Variants in FRYL observed in about 807,000 individuals in gnomAD.
FRYL encodes the protein protein furry homolog-like.
A neutral mutation model predicts 351.2 loss-of-function variants in FRYL; 150 were observed. The ratio of observed to expected loss-of-function variants is 0.43; its 90% confidence interval spans 0.37 to 0.49. The LOEUF (loss-of-function observed/expected upper bound fraction) is 0.49, where lower values mean the gene tolerates loss of function less well. Among genes scored for constraint, FRYL ranks in the 20% least tolerant of loss-of-function variants. The pLI is 0.00. For missense variants in FRYL, 3,036 were observed against 3,619.3 expected, an observed-to-expected ratio of 0.84 and a Z score of 4.13; for synonymous variants, 1,153 against 1,257.1, an observed-to-expected ratio of 0.92 and a Z score of 1.75.
chr4:48,777,134 T>G (rs765082636), intron 1 of FRYL, among the ~76,000 whole-genome samples: 1 of 152,222 alleles, frequency 6.6e-6, no homozygotes, highest in Non-Finnish European at 1.5e-5. Context: ...CTTTACATAA[T>G]ACCCTTTAAA....
At chr4:48,761,627 T>C (rs1774430068) in intron 1 of FRYL, among the ~76,000 whole-genome samples, 1 of 152,168 alleles carries the variant, frequency 6.6e-6, no homozygotes, top group South Asian at 2.1e-4. Context: ...ATGCCCTATG[T>C]CTACTGTACT....
chr4:48,582,428 G>T, intron 20 of FRYL, 69 bp downstream of exon 20: 3 of 935,568 alleles, frequency 3.2e-6, no homozygotes, highest in East Asian at 2.4e-5. Context: ...AAGTAAATCT[G>T]TATTAAAACC....
At chr4:48,674,098 A>G (rs1320752702) in intron 3 of FRYL, among the ~76,000 whole-genome samples, 1 of 152,212 alleles carries the variant, frequency 6.6e-6, no homozygotes, top group Non-Finnish European at 1.5e-5. Context: ...TGTTACATTA[A>G]CCCTTATCCT....
chr4:48,634,189 A>G (rs768817538), intron 4 of FRYL, 102 bp downstream of exon 4: 6 of 860,292 alleles, frequency 7.0e-6, no homozygotes, highest in Non-Finnish European at 1.1e-5. Flanking sequence ...CTATCCCTTA[A>G]TATTTTTTTC....
At chr4:48,727,724 G>C (rs747017928) in intron 1 of FRYL, among the ~76,000 whole-genome samples, 5 of 152,160 alleles carry the variant, frequency 3.3e-5, no homozygotes, top group Non-Finnish European at 5.9e-5. Flanking sequence ...TTGCCCTCAG[G>C]AGAAACTATT....
In FRYL at chr4:48,513,622, A is replaced by C. The variant is rs142784430; in HGVS notation, c.7938-934T>G. Among the ~76,000 whole-genome samples the C allele has an allele frequency of 6.1e-3, 934 of 152,350 alleles. 3 individuals carry two copies. Among genetic ancestry groups the C allele is most frequent in the Middle Eastern group, 0.014 (4 of 294 alleles). ...TAAGGCTTTACAGAAATTTTGGAGCAATGCATATGGTCTTCCATATGCACT... is the reference window on the plus strand; with the variant it reads ...TAAGGCTTTACAGAAATTTTGGAGCCATGCATATGGTCTTCCATATGCACT... On this transcript the variant is annotated intron_variant, in intron 56 of 63. Coordinates refer to ENST00000358350, the MANE Select transcript of FRYL (RefSeq NM_015030.2).
At position 48,565,478 on chromosome 4, in the gene FRYL, A is replaced by G. The variant is rs1736570092; in HGVS notation, c.3330+53T>C. 2.9e-6 allele frequency: 4 copies of G among 1,388,924 alleles called. No homozygotes were observed. The South Asian group carries it at 6.4e-5, about 22-fold the overall frequency. The allele number at this position is 1,388,924 out of a possible 1,614,324, so 86.0% of individuals were successfully genotyped here. ...TAATACTAGTGACTGAGAGACTTAA[A>G]AATACTTAACTCTGCTCTTAAGAAA... On this transcript the variant is annotated intron_variant, in intron 29 of 63. Transcript: ENST00000358350.
At chr4:48,564,847 A>G (rs1736404064) in intron 30 of FRYL, 86 bp downstream of exon 30, 1 of 658,256 alleles carries the variant, frequency 1.5e-6, no homozygotes, top group Non-Finnish European at 2.6e-6. Context: ...TTTTTTTAAA[A>G]GACTTGTTTT....
At chr4:48,698,744 C>T (rs1766441349) in intron 2 of FRYL, among the ~76,000 whole-genome samples, 1 of 152,124 alleles carries the variant, frequency 6.6e-6, no homozygotes, top group Non-Finnish European at 1.5e-5. Flanking sequence ...CCTTCACATT[C>T]CAGTACACAT....
At chr4:48,648,089 A>G (rs1381560570) in intron 3 of FRYL, among the ~76,000 whole-genome samples, 1 of 152,122 alleles carries the variant, frequency 6.6e-6, no homozygotes, top group Non-Finnish European at 1.5e-5. Context: ...GTACCTACAC[A>G]TGTTGTAGGT....
intron 36 of FRYL, among the ~76,000 whole-genome samples, chr4:48,552,244 G>GGTGTGTGTGTGTGTGTGTGTGT (rs67155390): frequency 2.5e-4 from 37 of 145,244 alleles, no homozygotes; most frequent in African/African-American, 9.6e-4. Flanking sequence ...AGTCCAAAGG[G>GGTGTGTGTGTGTGTGTGTGTGT]GTGTGTGTGT....
chr4:48,743,519 C>G (rs946339138), intron 1 of FRYL, among the ~76,000 whole-genome samples: 4 of 152,122 alleles, frequency 2.6e-5, no homozygotes, highest in African/African-American at 7.2e-5. Context: ...AATACCAAGA[C>G]CAGAAAGTAA....
chr4:48,577,798 C>A (rs1158130056), intron 23 of FRYL, among the ~76,000 whole-genome samples: 1 of 151,692 alleles, frequency 6.6e-6, no homozygotes, highest in African/African-American at 2.4e-5. Flanking sequence ...ACTGCTTGAG[C>A]CCAGAAGTTC....
intron 1 of FRYL, among the ~76,000 whole-genome samples, chr4:48,712,736 C>T (rs1471621889): frequency 2.0e-5 from 3 of 152,056 alleles, no homozygotes; most frequent in South Asian, 2.1e-4. Flanking sequence ...AGATACTCCT[C>T]GAGAAGAGCA....
intron 3 of FRYL, among the ~76,000 whole-genome samples, chr4:48,643,246 T>C (rs531859449): frequency 6.6e-6 from 1 of 152,314 alleles, no homozygotes; most frequent in South Asian, 2.1e-4. Context: ...GCTATGAAGC[T>C]GAGCAGAATT....
At chr4:48,772,491 C>T (rs1775613219) in intron 1 of FRYL, among the ~76,000 whole-genome samples, 1 of 152,060 alleles carries the variant, frequency 6.6e-6, no homozygotes, top group Non-Finnish European at 1.5e-5. Flanking sequence ...GATCAAGTTA[C>T]ACAGGAATGT....
intron 1 of FRYL, among the ~76,000 whole-genome samples, chr4:48,723,241 C>A (rs557039503): frequency 6.6e-6 from 1 of 152,254 alleles, no homozygotes; most frequent in South Asian, 2.1e-4. Flanking sequence ...CTCCTGGGCT[C>A]AAGCGATCCT....
In FRYL at chr4:48,621,210, A is replaced by G. The variant is rs144703839; in HGVS notation, c.175-432T>C. Reference sequence around the variant, plus strand: ...ATGAAAAGACAGAAACAAAGACTACATTATGTAAGAACTGTGGGGAAAGCT... The same window carrying G: ...ATGAAAAGACAGAAACAAAGACTACGTTATGTAAGAACTGTGGGGAAAGCT... On this transcript the variant is annotated intron_variant, in intron 5 of 63. Transcript: ENST00000358350. 5.8e-4 allele frequency among the ~76,000 whole-genome samples: 88 copies of G among 152,356 alleles called. 1 individual carries two copies. In the East Asian group the frequency reaches 0.015, roughly 26 times the overall value.
chr4:48,623,051 G>T, intron 5 of FRYL, 75 bp downstream of exon 5: 1 of 818,606 alleles, frequency 1.2e-6, no homozygotes, highest in South Asian at 1.6e-5. Flanking sequence ...CCTTAATATT[G>T]AATACATTTG....
Sources: allele counts gnomAD v4.1 joint callset (sites outside exome capture counted in the v4.1 genomes callset), GRCh38; gene constraint gnomAD v4.1.1; transcripts MANE v1.5; gene names NCBI Gene and HGNC (gene_info 2026-07-23, HGNC 2026-07-21).